Variants in DNAJC14 observed in about 807,000 individuals in gnomAD.
DNAJC14 encodes the protein DnaJ heat shock protein family (Hsp40) member C14.
DNAJC14 carries 12 observed loss-of-function variants against 68.8 expected under a neutral mutation model. That is an observed-to-expected ratio of 0.17 (90% CI 0.11 to 0.28). The LOEUF (loss-of-function observed/expected upper bound fraction) is 0.28, where lower values mean the gene tolerates loss of function less well. Among genes scored for constraint, DNAJC14 ranks in the 10% least tolerant of loss-of-function variants. DNAJC14 has a pLI of 1.00. For missense variants in DNAJC14, 764 were observed against 875.6 expected, an observed-to-expected ratio of 0.87 and a Z score of 1.61; for synonymous variants, 350 against 321.5, an observed-to-expected ratio of 1.09 and a Z score of -0.95.
At chr12:55,829,952 C>T (rs1041903198), upstream of DNAJC14, 2 of 152,450 alleles carry the variant, frequency 1.3e-5, no homozygotes, top group African/African-American at 4.8e-5. Flanking sequence ...AGTCTTTTTC[C>T]CTTGCAGACA....
At chr12:55,824,006 C>G (rs749233389) in intron 2 of DNAJC14, among the ~76,000 whole-genome samples, 1 of 151,524 alleles carries the variant, frequency 6.6e-6, no homozygotes, top group Non-Finnish European at 1.5e-5. Context: ...GAATATCTAT[C>G]ATGGATTGTT....
intron 2 of DNAJC14, among the ~76,000 whole-genome samples, chr12:55,826,271 C>CTTTTTTTTTTTT (rs1164806475): frequency 1.2e-5 from 1 of 85,798 alleles, no homozygotes. Context: ...GGGAAAATAT[C>CTTTTTTTTTTTT]TTTTTTTTTT....
At chr12:55,829,657 G>T, upstream of DNAJC14, 2 of 965,058 alleles carry the variant, frequency 2.1e-6, no homozygotes, top group Non-Finnish European at 2.5e-6. Flanking sequence ...CACCAGGGAA[G>T]AGACGGGAAG....
intron 3 of DNAJC14, 82 bp downstream of exon 3, chr12:55,823,320 C>A (rs1880717945): frequency 6.3e-7 from 1 of 1,597,264 alleles, no homozygotes; most frequent in Non-Finnish European, 8.6e-7. Context: ...TCTCAACAAG[C>A]CTCCACCCCC....
rs372461105 is a variant in DNAJC14, at chr12:55,822,856, T to G, written c.1635-124A>C. ...TAAAATTACCCCACTTAGTATTTCA[T>G]ATCCCTTCAACGTTCTATCCTAAAG... is the stretch of plus-strand genomic sequence containing the variant. On this transcript the variant is annotated intron_variant, in intron 4 of 6. Transcript: ENST00000678005. 39 of 1,414,090 alleles carry G rather than the reference T, an allele frequency of 2.8e-5. No individual in the cohort carries two copies. In the East Asian group the frequency reaches 5.7e-4, roughly 21 times the overall value. The allele number at this position is 1,414,090 out of a possible 1,614,324, so 87.6% of individuals were successfully genotyped here.
chr12:55,829,751 T>TG (rs544899021), upstream of DNAJC14: 576 of 320,920 alleles, frequency 1.8e-3, 6 homozygotes, highest in African/African-American at 0.012. Flanking sequence ...AAGGAAGTAC[T>TG]GGCCCCGCCA....
rs1244344469 is a variant in DNAJC14, at chr12:55,828,372, G to A, written c.287C>T (p.Ser96Phe). Residue 96 changes from serine to phenylalanine, a missense_variant, in exon 2 of 7, where the codon TCT becomes TTT. Physicochemically the swap from Ser to Phe is radical, Grantham distance 155. Transcript: ENST00000678005. ...GTCCACTCCTGATTCTTCTTCTGAA[G>A]ACGTCTCACTCTGATCAGGGTCCTC... is the stretch of plus-strand genomic sequence containing the variant. ...DAEDPDQSET[S>F]SEEESGVDQE... 6.2e-7 allele frequency: 1 copy of A among 1,614,092 alleles called. No homozygotes were observed. Among genetic ancestry groups the A allele is most frequent in the Non-Finnish European group, 8.5e-7 (1 of 1,180,008 alleles).
At chr12:55,829,263 G>A in intron 1 of DNAJC14, 1 of 871,728 alleles carries the variant, frequency 1.1e-6, no homozygotes, top group Non-Finnish European at 1.4e-6. Flanking sequence ...TGGCCAACAT[G>A]GTGAAACTCC....
rs370748069 is a variant in DNAJC14, at chr12:55,822,763, A to G, written c.1635-31T>C. ...ACCAACAAAAGGATAGTTCCTTAATAATTTGTCAAGCCTACCTAGGGCACT... is the reference window on the plus strand; with the variant it reads ...ACCAACAAAAGGATAGTTCCTTAATGATTTGTCAAGCCTACCTAGGGCACT... On this transcript the variant is annotated intron_variant, in intron 4 of 6. Transcript: ENST00000678005. 22 of 1,610,584 alleles carry G rather than the reference A, an allele frequency of 1.4e-5. No individual in the cohort carries two copies. In the African/African-American group the frequency reaches 2.5e-4, roughly 19 times the overall value.
Position 55,822,613 on chromosome 12 carries a change from G to C in DNAJC14, c.1754C>G (p.Thr585Ser). The change falls in exon 5 of 7, where the codon ACC becomes AGC. Residue 585 changes from threonine (T) to serine (S), a missense_variant. Physicochemically the swap from Thr to Ser is moderately conservative, Grantham distance 58 (BLOSUM62 1). Around this residue, in one of 4 missense-constraint regions of DNAJC14, gnomAD observed 134 missense variants for 162.3 expected, o/e 0.83. Coordinates refer to ENST00000678005, the MANE Select transcript of DNAJC14 (RefSeq NM_032364.6). ...CTTTCCATCCATCAGTGCAAAGTAG[G>C]TGATCTTGAGGCCCAACATGCTTGA... ...AESSMLGLKITYFALMDGKVY... is the reference protein window; with the variant it reads ...AESSMLGLKISYFALMDGKVY... The C allele has an allele frequency of 1.2e-6, 2 of 1,614,170 alleles. No homozygotes were observed. Among genetic ancestry groups the C allele is most frequent in the Non-Finnish European group, 1.7e-6 (2 of 1,180,038 alleles).
intron 2 of DNAJC14, among the ~76,000 whole-genome samples, chr12:55,824,282 C>A (rs563072091): frequency 6.6e-6 from 1 of 152,194 alleles, no homozygotes; most frequent in Non-Finnish European, 1.5e-5. Context: ...TCTTGAAACT[C>A]TTTTTTAACT....
chr12:55,822,611 A>G lies in DNAJC14; in HGVS notation c.1756T>C (p.Tyr586His). ...ESSMLGLKIT[Y>H]FALMDGKVYD... is the part of the protein sequence containing the mutation. Reference sequence around the variant, plus strand: ...ACCTTTCCATCCATCAGTGCAAAGTAGGTGATCTTGAGGCCCAACATGCTT... The same window carrying G: ...ACCTTTCCATCCATCAGTGCAAAGTGGGTGATCTTGAGGCCCAACATGCTT... Residue 586 changes from tyrosine to histidine, a missense_variant, in exon 5 of 7, where the codon TAC becomes CAC. Coordinates refer to ENST00000678005, the MANE Select transcript of DNAJC14 (RefSeq NM_032364.6). The G allele has an allele frequency of 6.2e-7, 1 of 1,614,232 alleles. No individual in the cohort carries two copies. Among genetic ancestry groups the G allele is most frequent in the Non-Finnish European group, 8.5e-7 (1 of 1,180,036 alleles).
intron 4 of DNAJC14, 139 bp downstream of exon 4, chr12:55,822,931 C>T: frequency 4.1e-6 from 6 of 1,468,732 alleles, no homozygotes; most frequent in Non-Finnish European, 5.5e-6. Context: ...GACAATATGA[C>T]AAAGGTAGAA....
At chr12:55,825,214 G>A (rs1413162157) in intron 2 of DNAJC14, among the ~76,000 whole-genome samples, 1 of 151,444 alleles carries the variant, frequency 6.6e-6, no homozygotes. Flanking sequence ...CAGTCCTTTG[G>A]TAAGTTACAG....
At chr12:55,823,001 A>G in intron 4 of DNAJC14, 69 bp downstream of exon 4, 1 of 1,596,866 alleles carries the variant, frequency 6.3e-7, no homozygotes, top group Non-Finnish European at 8.5e-7. Flanking sequence ...ACCAGTACTC[A>G]CTAGAAAGAT....
At chr12:55,829,037 G>A in intron 1 of DNAJC14, 1 of 907,192 alleles carries the variant, frequency 1.1e-6, no homozygotes, top group East Asian at 1.1e-4. Flanking sequence ...CGCCGGAAAG[G>A]GGGCCACAGA....
chr12:55,828,011 C>T lies in DNAJC14; in HGVS notation c.648G>A (p.Arg216=). The T allele has an allele frequency of 1.9e-6, 3 of 1,613,492 alleles. No individual in the cohort carries two copies. The highest frequency in any genetic ancestry group is 2.5e-6 in the Non-Finnish European group (3 of 1,179,906). The change falls in exon 2 of 7, where the codon AGG becomes AGA. Residue 216 remains arginine (R), a synonymous_variant. Coordinates refer to ENST00000678005, the MANE Select transcript of DNAJC14 (RefSeq NM_032364.6). ...DTREGGRRDP[R]SPGRHRLGRK... ...GACCCAGCCGATGTCGACCAGGGGA[C>T]CTGGGATCCCTACGTCCACCCTCCC...
chr12:55,822,606 A>C lies in DNAJC14; in HGVS notation c.1761T>G (p.Phe587Leu). 1 of 1,614,222 alleles carries C rather than the reference A, an allele frequency of 6.2e-7. No homozygotes were observed. The highest frequency in any genetic ancestry group is 8.5e-7 in the Non-Finnish European group (1 of 1,180,040). ...SSMLGLKITY[F>L]ALMDGKVYDI... ...CATACACCTTTCCATCCATCAGTGC[A>C]AAGTAGGTGATCTTGAGGCCCAACA... The change falls in exon 5 of 7, where the codon TTT becomes TTG. Residue 587 changes from phenylalanine to leucine, a missense_variant. Around this residue, in one of 4 missense-constraint regions of DNAJC14, gnomAD observed 134 missense variants for 162.3 expected, o/e 0.83. Coordinates refer to ENST00000678005, the MANE Select transcript of DNAJC14 (RefSeq NM_032364.6).
At position 55,828,410 on chromosome 12, in the gene DNAJC14, T is replaced by G. The variant is rs77764447; in HGVS notation, c.249A>C (p.Pro83=). The change falls in exon 2 of 7, where the codon CCA becomes CCC. Residue 83 remains proline (P), a synonymous_variant. Coordinates refer to ENST00000678005, the MANE Select transcript of DNAJC14 (RefSeq NM_032364.6). ...PSHGPPGGPG[P]PRDAEDPDQS... ...GATCAGGGTCCTCTGCATCTCTAGG[T>G]GGTCCTGGACCCCCTGGGGGGCCAT... 4,228 of 1,614,140 alleles carry G rather than the reference T, an allele frequency of 2.6e-3. 9 individuals carry two copies. The highest frequency in any genetic ancestry group is 3.9e-3 in the South Asian group (357 of 91,082).
Sources: gnomAD v4.1 joint callset for allele counts (sites outside exome capture counted in the v4.1 genomes callset) on GRCh38, gnomAD v4.1.1 for gene constraint, gnomAD v4.1.1 regional missense constraint, MANE v1.5 for transcripts, NCBI Gene and HGNC (gene_info 2026-07-23, HGNC 2026-07-21) for gene names.